The following SYNPO2 variants were observed in gnomAD, a reference collection of about 807,000 sequenced individuals.
SYNPO2 encodes synaptopodin-2.
A neutral mutation model predicts 85.0 loss-of-function variants in SYNPO2; 56 were observed. The observed-to-expected ratio is 0.66, with a 90% CI of 0.53 to 0.82. SYNPO2 has a LOEUF of 0.82. Ranked by LOEUF, SYNPO2 falls within the 40% of genes least tolerant of loss-of-function variation. The pLI is 0.00. For synonymous variants in SYNPO2, 602 were observed against 591.1 expected (o/e 1.02, Z -0.27); for missense variants, 1,575 against 1,534.2 (o/e 1.03, Z -0.44).
intron 1 of SYNPO2, among the ~76,000 whole-genome samples, chr4:118,946,432 AAAGG>A (rs762540293): frequency 0.096 from 14,586 of 151,986 alleles, 813 homozygotes; most frequent in East Asian, 0.16. Context: ...GGTGATTAGG[AAAGG>A]TCAGTGAGAG....
intron 1 of SYNPO2, among the ~76,000 whole-genome samples, chr4:118,922,562 C>G (rs1237769621): frequency 6.6e-6 from 1 of 151,930 alleles, no homozygotes; most frequent in Non-Finnish European, 1.5e-5. Context: ...TCTTTTCTAC[C>G]TGCATATTCA....
chr4:118,888,273 C>T (rs1385413729), upstream of SYNPO2, among the ~76,000 whole-genome samples: 1 of 152,178 alleles, frequency 6.6e-6, no homozygotes, highest in African/African-American at 2.4e-5. Flanking sequence ...TTCTCTCTTT[C>T]TCTCTCCCTT....
chr4:118,923,854 C>T (rs10002822), intron 1 of SYNPO2, among the ~76,000 whole-genome samples: 87,422 of 147,326 alleles, frequency 0.59, 27,309 homozygotes, highest in East Asian at 0.81. Flanking sequence ...AATTCTTGCA[C>T]GAGGAAAGGA....
intron 1 of SYNPO2, among the ~76,000 whole-genome samples, chr4:118,941,411 G>C (rs10518317): frequency 0.18 from 27,866 of 152,050 alleles, 2,970 homozygotes; most frequent in Middle Eastern, 0.26. Context: ...CAACCAGAAG[G>C]ATCTTCCTAA....
At position 118,931,244 on chromosome 4, in the gene SYNPO2, G is replaced by A. The variant is rs553508550; in HGVS notation, c.105+42103G>A. Among the ~76,000 whole-genome samples the A allele has an allele frequency of 1.7e-3, 252 of 152,132 alleles. 1 individual carries two copies. The highest frequency in any genetic ancestry group is 5.8e-3 in the African/African-American group (241 of 41,536). On this transcript the variant is annotated intron_variant, in intron 1 of 4. Transcript: ENST00000307142. ...TAAGTAAAAAAAAAAATTCAGGATT[G>A]AGGGGTCTATGACTTGTCCACATTC... is the stretch of plus-strand genomic sequence containing the variant.
At chr4:118,953,952 TC>T (rs1734780350) in intron 1 of SYNPO2, among the ~76,000 whole-genome samples, 1 of 152,166 alleles carries the variant, frequency 6.6e-6, no homozygotes, top group Non-Finnish European at 1.5e-5. Context: ...GTCATGTGCT[TC>T]CTCTTCCTCT....
intron 1 of SYNPO2, among the ~76,000 whole-genome samples, chr4:119,014,247 C>T (rs1265901189): frequency 7.2e-5 from 11 of 152,170 alleles, no homozygotes. Flanking sequence ...AATGTTATCT[C>T]TACTAAAAAT....
intron 1 of SYNPO2, among the ~76,000 whole-genome samples, chr4:118,868,798 A>G (rs1731747966): frequency 1.3e-5 from 2 of 152,218 alleles, no homozygotes; most frequent in African/African-American, 4.8e-5. Context: ...CAGATTTGTC[A>G]AAGTGCTAGA....
intron 1 of SYNPO2, among the ~76,000 whole-genome samples, chr4:118,859,512 C>T (rs1376923581): frequency 6.6e-6 from 1 of 152,150 alleles, no homozygotes; most frequent in Non-Finnish European, 1.5e-5. Context: ...AGGTCTTATT[C>T]ATTATATCTA....
intron 1 of SYNPO2, among the ~76,000 whole-genome samples, chr4:118,979,201 A>C (rs1385174893): frequency 1.3e-5 from 2 of 151,906 alleles, no homozygotes. Flanking sequence ...GCCTTCTACT[A>C]TTTTCCCTTA....
At chr4:118,971,582 T>C (rs1473825851) in intron 1 of SYNPO2, among the ~76,000 whole-genome samples, 3 of 152,250 alleles carry the variant, frequency 2.0e-5, no homozygotes, top group Non-Finnish European at 4.4e-5. Flanking sequence ...ACCTGACTTA[T>C]TCATTCATAG....
intron 4 of SYNPO2, chr4:119,033,074 A>G: frequency 1.0e-6 from 1 of 985,364 alleles, no homozygotes; most frequent in Non-Finnish European, 1.2e-6. Flanking sequence ...GGACGCACAT[A>G]AAGGTGTACA....
intron 1 of SYNPO2, among the ~76,000 whole-genome samples, chr4:118,895,208 A>G (rs1319897978): frequency 6.6e-6 from 1 of 152,176 alleles, no homozygotes; most frequent in African/African-American, 2.4e-5. Context: ...TCAGTCAACT[A>G]TCTGACTCTA....
chr4:119,027,900 T>C (rs1428448620), intron 3 of SYNPO2, among the ~76,000 whole-genome samples: 3 of 145,610 alleles, frequency 2.1e-5, no homozygotes, highest in Admixed American at 6.9e-5. Context: ...TGAAAAAAAA[T>C]CATTGTGCAG....
chr4:118,963,980 C>T (rs1013653510), intron 1 of SYNPO2, among the ~76,000 whole-genome samples: 4 of 152,196 alleles, frequency 2.6e-5, no homozygotes, highest in Non-Finnish European at 5.9e-5. Flanking sequence ...CCAGGTGATG[C>T]ATGGCTCTCA....
rs990163868 is a variant in SYNPO2, at chr4:119,058,101, T to C, written c.*167T>C. On this transcript the variant is annotated 3_prime_UTR_variant, in exon 5 of 5. Transcript: ENST00000307142. ...CTGTGTGTGTGTGTGTGTGTGTATGTATGTGAATATACACACACACACACA... is the reference window on the plus strand; with the variant it reads ...CTGTGTGTGTGTGTGTGTGTGTATGCATGTGAATATACACACACACACACA... 27 of 583,858 alleles carry C rather than the reference T, an allele frequency of 4.6e-5. No homozygotes were observed. The highest frequency in any genetic ancestry group is 7.4e-5 in the Non-Finnish European group (25 of 338,586). The allele number at this position is 583,858 out of a possible 1,614,324, so 36.2% of individuals were successfully genotyped here. A position where few individuals can be genotyped will look rare whatever the true frequency, so the allele number is the denominator to read the frequency against.
At chr4:118,897,008 A>G (rs1732571513) in intron 1 of SYNPO2, among the ~76,000 whole-genome samples, 1 of 152,114 alleles carries the variant, frequency 6.6e-6, no homozygotes, top group Admixed American at 6.5e-5. Flanking sequence ...TTATGGATTT[A>G]TGTCTGTATT....
intron 2 of SYNPO2, among the ~76,000 whole-genome samples, chr4:119,026,113 G>A (rs954042920): frequency 3.3e-5 from 5 of 152,144 alleles, no homozygotes; most frequent in African/African-American, 1.2e-4. Context: ...CATGCTCACT[G>A]GGGCTTAAAA....
chr4:118,950,853 A>C (rs1057437063), intron 1 of SYNPO2, among the ~76,000 whole-genome samples: 2 of 152,210 alleles, frequency 1.3e-5, no homozygotes, highest in Admixed American at 1.3e-4. Context: ...CAGATCCATA[A>C]ACTCGATTGG....
Sources: gnomAD v4.1 joint callset for allele counts (sites outside exome capture counted in the v4.1 genomes callset) on GRCh38, gnomAD v4.1.1 for gene constraint, MANE v1.5 for transcripts, NCBI Gene and HGNC (gene_info 2026-07-23, HGNC 2026-07-21) for gene names.